Variants in EPM2A observed in about 807,000 individuals in gnomAD.
The protein encoded by EPM2A is laforin.
A neutral mutation model predicts 26.5 loss-of-function variants in EPM2A; 21 were observed. The observed-to-expected ratio is 0.79, with a 90% CI of 0.56 to 1.14. The LOEUF (loss-of-function observed/expected upper bound fraction) is 1.14, where lower values mean the gene tolerates loss of function less well. EPM2A is among the 50% of genes most tolerant of loss of function. The pLI is 0.00. For synonymous variants in EPM2A, 217 were observed against 177.6 expected, an observed-to-expected ratio of 1.22 and a Z score of -1.76; for missense variants, 458 against 440.8, an observed-to-expected ratio of 1.04 and a Z score of -0.35.
At chr6:145,393,084 A>G (rs911504847) in intron 4 of EPM2A, among the ~76,000 whole-genome samples, 3 of 152,116 alleles carry the variant, frequency 2.0e-5, no homozygotes, top group East Asian at 1.9e-4. Context: ...TCAGGTCTCA[A>G]TGAGACCTTT....
chr6:145,601,060 C>G (rs1781410771), intron 2 of EPM2A, among the ~76,000 whole-genome samples: 1 of 152,198 alleles, frequency 6.6e-6, no homozygotes, highest in South Asian at 2.1e-4. Context: ...AGAGGCAGGG[C>G]TGCTACCATA....
chr6:145,687,591 A>G (rs1481855084), intron 1 of EPM2A, among the ~76,000 whole-genome samples: 2 of 152,222 alleles, frequency 1.3e-5, no homozygotes, highest in East Asian at 3.8e-4. Flanking sequence ...TAAATGCATG[A>G]GTGGTTTACA....
At chr6:145,391,586 C>T (rs1778337696) in intron 4 of EPM2A, among the ~76,000 whole-genome samples, 1 of 152,182 alleles carries the variant, frequency 6.6e-6, no homozygotes, top group Non-Finnish European at 1.5e-5. Context: ...TCAGCCAACC[C>T]ATTCAGCATA....
chr6:145,577,387 GA>G (rs1231771455), intron 2 of EPM2A, among the ~76,000 whole-genome samples: 1 of 151,112 alleles, frequency 6.6e-6, no homozygotes, highest in Non-Finnish European at 1.5e-5. Flanking sequence ...AAAAGAGCAG[GA>G]GGGGCTAGCA....
chr6:145,488,520 T>TGAGAGAGAGAGAGAGA lies in EPM2A; in HGVS notation c.555+14001_555+14002insTCTCTCTCTCTCTCTC, dbSNP rs1215856544. Among the ~76,000 whole-genome samples, 386 of 136,512 alleles carry TGAGAGAGAGAGAGAGA rather than the reference T, an allele frequency of 2.8e-3. 2 individuals carry two copies. Among genetic ancestry groups the TGAGAGAGAGAGAGAGA allele is most frequent in the African/African-American group, 6.9e-3 (224 of 32,654 alleles). The allele number at this position is 136,512 out of a possible 152,430, so 89.6% of individuals were successfully genotyped here. On this transcript the variant is annotated intron_variant, in intron 4 of 4. Coordinates refer to the EPM2A transcript ENST00000638717. ...TTGTGTGTGTGTGTGTGTGTGTGTGTGTGAGAGAGAGAGAGAGAGAGAGAG... is the reference window on the plus strand; with the variant it reads ...TTGTGTGTGTGTGTGTGTGTGTGTGTGAGAGAGAGAGAGAGAGTGAGAGAGAGAGAGAGAGAGAGAG...
chr6:145,594,304 T>C (rs1014294877), intron 2 of EPM2A, among the ~76,000 whole-genome samples: 8 of 151,746 alleles, frequency 5.3e-5, no homozygotes, highest in African/African-American at 1.7e-4. Context: ...AGAAAAAAAA[T>C]ATAAGGTTCA....
intron 4 of EPM2A, among the ~76,000 whole-genome samples, chr6:145,406,626 CACAGTGTAAACAAAG>C (rs1371873011): frequency 2.6e-5 from 4 of 152,136 alleles, no homozygotes; most frequent in African/African-American, 9.7e-5. Flanking sequence ...GTGGTGTGAA[CACAGTGTAAACAAAG>C]ACACTTGGTC....
chr6:145,529,348 G>A (rs1301140698), intron 2 of EPM2A, among the ~76,000 whole-genome samples: 1 of 152,046 alleles, frequency 6.6e-6, no homozygotes, highest in Non-Finnish European at 1.5e-5. Context: ...AGAGTTAACT[G>A]ATATGTCACA....
chr6:145,512,092 G>A (rs965772440), intron 2 of EPM2A, among the ~76,000 whole-genome samples: 4 of 151,846 alleles, frequency 2.6e-5, no homozygotes, highest in African/African-American at 4.8e-5. Context: ...ACTACAAAAC[G>A]CTGATGAAAG....
intron 4 of EPM2A, among the ~76,000 whole-genome samples, chr6:145,446,651 C>T (rs971369135): frequency 1.3e-5 from 2 of 151,878 alleles, no homozygotes; most frequent in East Asian, 1.9e-4. Context: ...TTACTTTTTT[C>T]TCTCTCTCTC....
At chr6:145,525,215 TTTTATTTATTTATTTATTTATTTA>T (rs71552932) in intron 2 of EPM2A, among the ~76,000 whole-genome samples, 1 of 146,978 alleles carries the variant, frequency 6.8e-6, no homozygotes, top group Non-Finnish European at 1.5e-5. Context: ...ATGCCTTCAA[TTTTATTTATTTATTTATTTATTTA>T]TTTATTTATT....
chr6:145,577,775 C>T (rs9376951), intron 2 of EPM2A, among the ~76,000 whole-genome samples: 40,723 of 151,856 alleles, frequency 0.27, 5,953 homozygotes, highest in South Asian at 0.4. Context: ...ATGAAACATA[C>T]TCCAGGATAG....
chr6:145,573,013 C>T (rs1780981043), intron 2 of EPM2A, among the ~76,000 whole-genome samples: 2 of 152,204 alleles, frequency 1.3e-5, no homozygotes, highest in Admixed American at 1.3e-4. Context: ...CAACAGGCCC[C>T]ACACCACTGG....
chr6:145,677,243 T>A (rs1458269040), intron 2 of EPM2A, among the ~76,000 whole-genome samples: 1 of 152,136 alleles, frequency 6.6e-6, no homozygotes, highest in Non-Finnish European at 1.5e-5. Flanking sequence ...CCCTTCATGC[T>A]AAAAACTCTC....
At chr6:145,547,419 T>G (rs1780597430) in intron 2 of EPM2A, among the ~76,000 whole-genome samples, 1 of 152,106 alleles carries the variant, frequency 6.6e-6, no homozygotes, top group Admixed American at 6.6e-5. Context: ...TGAGCAGATA[T>G]TCAATCAAAA....
chr6:145,587,550 C>G (rs1393534642), intron 2 of EPM2A, among the ~76,000 whole-genome samples: 1 of 152,182 alleles, frequency 6.6e-6, no homozygotes, highest in African/African-American at 2.4e-5. Context: ...CATTAGTAAA[C>G]AGCTGTTCCT....
intron 4 of EPM2A, among the ~76,000 whole-genome samples, chr6:145,463,629 T>G (rs1027703320): frequency 6.6e-6 from 1 of 152,128 alleles, no homozygotes; most frequent in Non-Finnish European, 1.5e-5. Context: ...TATAAATCTA[T>G]GTAATTATTC....
chr6:145,715,978 C>T (rs1454742905), intron 1 of EPM2A, among the ~76,000 whole-genome samples: 3 of 152,120 alleles, frequency 2.0e-5, no homozygotes, highest in African/African-American at 4.8e-5. Flanking sequence ...CCCCACCTCC[C>T]CAGTCCATGG....
At chr6:145,666,908 T>TGGG (rs1779245399) in intron 2 of EPM2A, among the ~76,000 whole-genome samples, 1 of 143,114 alleles carries the variant, frequency 7.0e-6, no homozygotes, top group South Asian at 2.2e-4. Flanking sequence ...AAACAAGCAA[T>TGGG]GGGGAAAGGA....
Sources: gnomAD v4.1 joint callset for allele counts (sites outside exome capture counted in the v4.1 genomes callset) on GRCh38, gnomAD v4.1.1 for gene constraint, MANE v1.5 for transcripts, NCBI Gene and HGNC (gene_info 2026-07-23, HGNC 2026-07-21) for gene names.